Variants in PKD1L3 observed in about 807,000 individuals in gnomAD.
The protein encoded by PKD1L3 is polycystin-1-like protein 3.
In PKD1L3, 239 loss-of-function variants were observed where a neutral mutation model predicts 184.1. That is an observed-to-expected ratio of 1.30 (90% CI 1.17 to 1.45). PKD1L3 has a LOEUF of 1.45. Among genes scored for constraint, PKD1L3 ranks in the 40% most tolerant of loss-of-function variants. PKD1L3 has a pLI of 0.00. For synonymous variants in PKD1L3, 996 were observed against 778.8 expected (o/e 1.28, Z -4.64); for missense variants, 2,660 against 2,067.2 (o/e 1.29, Z -5.56).
At chr16:71,978,495 GTATATA>G (rs4045545) in intron 9 of PKD1L3, 112 bp from the exon 10 acceptor site, 1,633 of 145,436 alleles carry the variant, frequency 0.011, 14 homozygotes, top group Middle Eastern at 0.014. Context: ...GTGTGTGTGT[GTATATA>G]TATATATATA....
At chr16:71,979,102 G>A (rs963256869) in intron 9 of PKD1L3, among the ~76,000 whole-genome samples, 2 of 152,172 alleles carry the variant, frequency 1.3e-5, no homozygotes, top group East Asian at 3.8e-4. Flanking sequence ...GATATGACTG[G>A]GTTGGTATAC....
intron 16 of PKD1L3, among the ~76,000 whole-genome samples, chr16:71,961,241 GCCTC>G (rs1567516792): frequency 6.6e-6 from 1 of 152,044 alleles, no homozygotes; most frequent in African/African-American, 2.4e-5. Context: ...CCCTGCCTCA[GCCTC>G]CCCAGTAGCT....
intron 15 of PKD1L3, among the ~76,000 whole-genome samples, chr16:71,965,520 G>T (rs1030149003): frequency 2.1e-5 from 3 of 141,392 alleles, no homozygotes; most frequent in Non-Finnish European, 4.7e-5. Flanking sequence ...TGTTTCAGTT[G>T]CTCCCCATCC....
At chr16:71,973,059 T>C (rs938096049) in intron 12 of PKD1L3, among the ~76,000 whole-genome samples, 1 of 152,232 alleles carries the variant, frequency 6.6e-6, no homozygotes, top group African/African-American at 2.4e-5. Flanking sequence ...CCACACGCTA[T>C]TTTATCCACA....
At position 71,933,954 on chromosome 16, in the gene PKD1L3, C is replaced by G. The variant is rs1328136443; in HGVS notation, c.4785G>C (p.Leu1595=). 1 of 1,551,474 alleles carries G rather than the reference C, an allele frequency of 6.4e-7. No individual in the cohort carries two copies. The highest frequency in any genetic ancestry group is 1.2e-5 in the South Asian group (1 of 84,048). The change falls in exon 27 of 30, where the codon CTG becomes CTC. Residue 1595 remains leucine, a synonymous_variant. Coordinates refer to ENST00000620267, the MANE Select transcript of PKD1L3 (RefSeq NM_181536.2). ...CTGTCAGCAGGATTAGGATGATCAGCAGAAAGCCCACCACCTCGTCCCAGG... is the reference window on the plus strand; with the variant it reads ...CTGTCAGCAGGATTAGGATGATCAGGAGAAAGCCCACCACCTCGTCCCAGG... ...SRAWDEVVGF[L]LIILILLTGY...
At chr16:71,964,971 C>T (rs1314149498) in intron 15 of PKD1L3, among the ~76,000 whole-genome samples, 1 of 152,022 alleles carries the variant, frequency 6.6e-6, no homozygotes, top group Non-Finnish European at 1.5e-5. Flanking sequence ...CTCAGCCCCC[C>T]AAGTAGCTGG....
chr16:71,937,872 A>C (rs917267227), intron 24 of PKD1L3, among the ~76,000 whole-genome samples: 1 of 152,220 alleles, frequency 6.6e-6, no homozygotes, highest in African/African-American at 2.4e-5. Flanking sequence ...TAAAATCATG[A>C]AAGGTCTTGT....
chr16:71,937,603 A>G (rs926876273), intron 24 of PKD1L3, among the ~76,000 whole-genome samples, 184 bp from the exon 25 acceptor site: 1 of 152,150 alleles, frequency 6.6e-6, no homozygotes, highest in Non-Finnish European at 1.5e-5. Context: ...ATGCAAAGCT[A>G]TTGGAGAAAT....
At chr16:71,970,467 A>G (rs1444105878) in intron 12 of PKD1L3, among the ~76,000 whole-genome samples, 1 of 152,244 alleles carries the variant, frequency 6.6e-6, no homozygotes, top group Non-Finnish European at 1.5e-5. Flanking sequence ...ATGAACAAGT[A>G]CATAAGTAAG....
Position 71,942,677 on chromosome 16 carries a change from G to A in PKD1L3, c.4207C>T (p.His1403Tyr). The change falls in exon 24 of 30, where the codon CAT becomes TAT. Residue 1403 changes from histidine to tyrosine, a missense_variant. By Grantham distance (83) the His-to-Tyr change is moderately conservative. Transcript: ENST00000620267. ...CAGATGTAACTGAACCTCCTTAGATGAAGTCCAGGGAATAGGCTCTTGGGA... is the reference window on the plus strand; with the variant it reads ...CAGATGTAACTGAACCTCCTTAGATAAAGTCCAGGGAATAGGCTCTTGGGA... ...GRPKSLFPGL[H>Y]LRRFSYICSP... 1.9e-6 allele frequency: 3 copies of A among 1,551,730 alleles called. No homozygotes were observed. The highest frequency in any genetic ancestry group is 2.6e-6 in the Non-Finnish European group (3 of 1,147,018).
chr16:71,952,761 G>A (rs2038891547), intron 18 of PKD1L3, 133 bp downstream of exon 18: 2 of 903,546 alleles, frequency 2.2e-6, no homozygotes, highest in South Asian at 2.0e-5. Flanking sequence ...ACTTGAGCCG[G>A]GAGTTTGAGG....
intron 11 of PKD1L3, among the ~76,000 whole-genome samples, chr16:71,975,029 T>C (rs2039866514): frequency 1.3e-5 from 2 of 152,150 alleles, no homozygotes; most frequent in Non-Finnish European, 2.9e-5. Flanking sequence ...TTTGATCAAG[T>C]ATATCTGGGC....
intron 15 of PKD1L3, among the ~76,000 whole-genome samples, chr16:71,966,692 A>G (rs908302023): frequency 6.6e-6 from 1 of 152,072 alleles, no homozygotes; most frequent in Non-Finnish European, 1.5e-5. Context: ...TTGGCCTCCC[A>G]AAGTACTGGG....
At chr16:71,983,290 G>T (rs917074000) in intron 6 of PKD1L3, among the ~76,000 whole-genome samples, 1 of 152,102 alleles carries the variant, frequency 6.6e-6, no homozygotes, top group Non-Finnish European at 1.5e-5. Context: ...GCAACTACAG[G>T]TGAGCACCAC....
At position 71,976,264 on chromosome 16, in the gene PKD1L3, C is replaced by CTTTTTTTTTT. The variant is rs71153688; in HGVS notation, c.1759+962_1759+971dup. Among the ~76,000 whole-genome samples the CTTTTTTTTTT allele has an allele frequency of 3.0e-3, 244 of 81,758 alleles. 38 individuals carry two copies. The highest frequency in any genetic ancestry group is 9.9e-3 in the African/African-American group (209 of 21,038). The allele number at this position is 81,758 out of a possible 152,430, so 53.6% of individuals were successfully genotyped here. A position where few individuals can be genotyped will look rare whatever the true frequency, so the allele number is the denominator to read the frequency against. On this transcript the variant is annotated intron_variant, in intron 11 of 29. Transcript: ENST00000620267. ...ATGAGCCACTGAGTGCCCAGCCTGT[C>CTTTTTTTTTT]TTTTTTTTTTTTTTTTAAGACAGTC... is the stretch of plus-strand genomic sequence containing the variant.
chr16:71,992,291 T>C (rs9939911), intron 3 of PKD1L3, among the ~76,000 whole-genome samples: 1 of 152,048 alleles, frequency 6.6e-6, no homozygotes, highest in African/African-American at 2.4e-5. Context: ...TTTTAAAAAG[T>C]ATTCCTGGGG....
Position 72,000,001 on chromosome 16 carries a change from A to G in PKD1L3, c.-23T>C. 2 of 1,490,820 alleles carry G rather than the reference A, an allele frequency of 1.3e-6. No individual in the cohort carries two copies. Among genetic ancestry groups the G allele is most frequent in the Non-Finnish European group, 9.0e-7 (1 of 1,112,978 alleles). The allele number at this position is 1,490,820 out of a possible 1,614,324, so 92.3% of individuals were successfully genotyped here. On this transcript the variant is annotated 5_prime_UTR_variant, in exon 1 of 30. Transcript: ENST00000620267. The stretch of plus-strand genomic sequence containing the variant: ...CATTTTCTCTGAATTGTAGCAAGAA[A>G]AAGTGTGGGGGTTTAGCAGCTGCCT...
Position 71,999,797 on chromosome 16 carries a change from A to G in PKD1L3, c.182T>C (p.Ile61Thr), listed in dbSNP as rs2040907680. 2 of 1,551,626 alleles carry G rather than the reference A, an allele frequency of 1.3e-6. No individual in the cohort carries two copies. The highest frequency in any genetic ancestry group is 2.4e-5 in the South Asian group (2 of 84,068). The change falls in exon 1 of 30, where the codon ATT becomes ACT. Residue 61 changes from isoleucine to threonine, a missense_variant. Transcript: ENST00000620267. ...CHVQRGFLAH[I>T]WNKEVQDLIR... ...GAGATCTTGAACTTCCTTGTTCCAA[A>G]TATGAGCTAGGAATCCTCTCTGCAC...
At position 71,944,703 on chromosome 16, in the gene PKD1L3, TTG is replaced by T. The variant is rs1434215221; in HGVS notation, c.3719-535_3719-534del. On this transcript the variant is annotated intron_variant, in intron 22 of 29. Transcript: ENST00000620267. Reference sequence around the variant, plus strand: ...TAGCAAGACCATATCTGTTTTTTGTTTGTTTTTTTTTTTTGAGACGGAGTCTC... The same window carrying T: ...TAGCAAGACCATATCTGTTTTTTGTTTTTTTTTTTTTTGAGACGGAGTCTC... Among the ~76,000 whole-genome samples the T allele has an allele frequency of 7.5e-5, 6 of 79,946 alleles. 1 individual carries two copies. Among genetic ancestry groups the T allele is most frequent in the Admixed American group, 1.6e-4 (1 of 6,366 alleles). 52.4% of individuals were successfully genotyped at this position (79,946 alleles called of 152,430 possible).
Sources: gnomAD v4.1 joint callset for allele counts (sites outside exome capture counted in the v4.1 genomes callset) on GRCh38, gnomAD v4.1.1 for gene constraint, MANE v1.5 for transcripts, NCBI Gene and HGNC (gene_info 2026-07-23, HGNC 2026-07-21) for gene names.